Variants in LRIG3 observed in about 807,000 individuals in gnomAD.
LRIG3 encodes leucine rich repeats and immunoglobulin like domains 3.
LRIG3 carries 76 observed loss-of-function variants against 114.5 expected under a neutral mutation model. That is an observed-to-expected ratio of 0.66 (90% CI 0.55 to 0.80). The LOEUF is 0.80. LRIG3 is among the 30% of genes least tolerant of loss of function. LRIG3 has a pLI of 0.00. For synonymous variants in LRIG3, 512 were observed against 519.8 expected (o/e 0.98, Z 0.20); for missense variants, 1,239 against 1,382.8 (o/e 0.90, Z 1.65).
intron 9 of LRIG3, 50 bp downstream of exon 9, chr12:58,886,760 A>C: frequency 6.5e-7 from 1 of 1,546,168 alleles, no homozygotes. Flanking sequence ...AGTGAAGACA[A>C]AATTTTTAAA....
At chr12:58,883,627 C>G (rs1440499331) in intron 10 of LRIG3, 36 bp from the exon 11 acceptor site, 3 of 1,471,774 alleles carry the variant, frequency 2.0e-6, no homozygotes, top group South Asian at 2.8e-5. Context: ...TCAGAGCAAA[C>G]TACCATCATT....
chr12:58,908,458 TGA>T (rs149355876), intron 3 of LRIG3, among the ~76,000 whole-genome samples: 1,850 of 152,310 alleles, frequency 0.012, 32 homozygotes, highest in East Asian at 0.088. Context: ...CTCAGTGGGC[TGA>T]GATATTCATG....
chr12:58,892,082 CATCA>C (rs1180038508), intron 3 of LRIG3, among the ~76,000 whole-genome samples: 3 of 151,298 alleles, frequency 2.0e-5, no homozygotes, highest in Non-Finnish European at 2.9e-5. Flanking sequence ...CTTCAAAAGT[CATCA>C]ATCAATATAG....
In LRIG3 at chr12:58,887,860, CA is replaced by C; in HGVS notation, c.1019del (p.Leu340ArgfsTer22). The C allele has an allele frequency of 1.9e-6, 3 of 1,613,876 alleles. No homozygotes were observed. The highest frequency in any genetic ancestry group is 2.5e-6 in the Non-Finnish European group (3 of 1,179,846). Reference protein sequence around the residue: ...SFLGLSLLNTLHIGNNRVSYI... With the variant: ...SFLGLSLLNTXHIGNNRVSYI... ...AGCTGACTCTGTTGTTCCCAATGTG[CA>C]GTGTATTTAGTAAGCTTAGGCCAAG... is the stretch of plus-strand genomic sequence containing the variant. On this transcript the variant is annotated frameshift_variant, in exon 8 of 19. Transcript: ENST00000320743. LOFTEE classifies it high-confidence loss of function.
intron 4 of LRIG3, among the ~76,000 whole-genome samples, chr12:58,890,461 TA>T (rs992599550): frequency 6.6e-6 from 1 of 152,194 alleles, no homozygotes; most frequent in African/African-American, 2.4e-5. Context: ...GGTTTTCTAA[TA>T]AAAAATATGT....
intron 3 of LRIG3, among the ~76,000 whole-genome samples, chr12:58,896,135 A>G (rs190239026): frequency 1.3e-5 from 2 of 152,340 alleles, no homozygotes; most frequent in African/African-American, 4.8e-5. Context: ...AAGAAAATGG[A>G]TAAGTGCATT....
chr12:58,876,229 T>C (rs556601142), intron 16 of LRIG3, among the ~76,000 whole-genome samples: 2 of 152,334 alleles, frequency 1.3e-5, no homozygotes, highest in African/African-American at 2.4e-5. Flanking sequence ...TTTCTAAACC[T>C]ACTAGTCTTT....
intron 3 of LRIG3, 76 bp downstream of exon 3, chr12:58,913,906 C>G: frequency 8.0e-7 from 1 of 1,256,158 alleles, no homozygotes; most frequent in Non-Finnish European, 1.1e-6. Context: ...TCTAAGATCT[C>G]TATGCTAGTC....
chr12:58,915,621 T>C (rs749553264), intron 1 of LRIG3, among the ~76,000 whole-genome samples: 3 of 152,080 alleles, frequency 2.0e-5, no homozygotes, highest in Non-Finnish European at 4.4e-5. Context: ...GTGACAGACA[T>C]GAGTAGATTT....
chr12:58,876,723 C>T, intron 15 of LRIG3, 120 bp from the exon 16 acceptor site: 1 of 1,002,870 alleles, frequency 1.0e-6, no homozygotes, highest in African/African-American at 1.6e-5. Flanking sequence ...GGGAGATCTA[C>T]TCTGGCAAAA....
rs1466258344 is a variant in LRIG3 at position 58,886,966 on chromosome 12, T to C, written c.1092-76A>G. ...GTATCACCACCCAGGTGGCATATCA[T>C]TTGTAAAAAATTTCTCATAATTCCC... On this transcript the variant is annotated intron_variant, in intron 8 of 18. Coordinates refer to ENST00000320743, the MANE Select transcript of LRIG3 (RefSeq NM_153377.5). The C allele has an allele frequency of 3.6e-6, 4 of 1,119,294 alleles. No homozygotes were observed. The Middle Eastern group carries it at 6.1e-4, about 170-fold the overall frequency. The allele number at this position is 1,119,294 out of a possible 1,614,324, so 69.3% of individuals were successfully genotyped here. A position where few individuals can be genotyped will look rare whatever the true frequency, so the allele number is the denominator to read the frequency against.
chr12:58,902,538 GTTTATA>G (rs1565621345), intron 3 of LRIG3, among the ~76,000 whole-genome samples: 1 of 151,990 alleles, frequency 6.6e-6, no homozygotes, highest in African/African-American at 2.4e-5. Flanking sequence ...GAAAGCAGGT[GTTTATA>G]TTTATAATTG....
intron 3 of LRIG3, among the ~76,000 whole-genome samples, chr12:58,911,394 A>G (rs1312434145): frequency 6.6e-6 from 1 of 152,194 alleles, no homozygotes; most frequent in Non-Finnish European, 1.5e-5. Flanking sequence ...CAGAGTAGAA[A>G]GAGTATGGAG....
At position 58,890,089 on chromosome 12, in the gene LRIG3, T is replaced by C. The variant is rs774050948; in HGVS notation, c.566A>G (p.Asn189Ser). 12 of 1,613,894 alleles carry C rather than the reference T, an allele frequency of 7.4e-6. No homozygotes were observed. Among genetic ancestry groups the C allele is most frequent in the African/African-American group, 4.0e-5 (3 of 75,004 alleles). The change falls in exon 5 of 19, where the codon AAT (asparagine) becomes AGT (serine). Residue 189 changes from asparagine to serine, a missense_variant. Transcript: ENST00000320743. ...TAACACAAGGAGTGTGTTGGCCAAA[T>C]TGTCAAAATACCCAGGTTCCATTGA... ...VTSMEPGYFD[N>S]LANTLLVLKL...
intron 3 of LRIG3, among the ~76,000 whole-genome samples, chr12:58,906,877 T>TGA (rs1469712169): frequency 6.6e-6 from 1 of 151,878 alleles, no homozygotes; most frequent in Non-Finnish European, 1.5e-5. Context: ...GAAAATGAAA[T>TGA]GACCTTTAGT....
rs762598849 is a variant in LRIG3, at chr12:58,888,874, C to T, written c.748G>A (p.Gly250Arg). The change falls in exon 6 of 19, where the codon GGA becomes AGA. Residue 250 changes from glycine (G) to arginine (R), a missense_variant. Transcript: ENST00000320743. ...ALKSLKMQRN[G>R]VTKLMDGAFW... ...GCTCCATCCATAAGTTTCGTTACTC[C>T]ATTTCTTTGCATTTTCAGAGACTTC... 3 of 1,613,856 alleles carry T rather than the reference C, an allele frequency of 1.9e-6. No individual in the cohort carries two copies. The South Asian group carries it at 3.3e-5, about 18-fold the overall frequency.
chr12:58,920,255 T>TA lies in LRIG3; in HGVS notation c.-21_-20insT. The stretch of plus-strand genomic sequence containing the variant: ...GCTCATCGCGGTCCAGCGGCCTAGG[T>TA]CTCTACCCGAAGCTCCCAGCCGGCG... On this transcript the variant is annotated 5_prime_UTR_variant, in exon 1 of 19. Coordinates refer to ENST00000320743, the MANE Select transcript of LRIG3 (RefSeq NM_153377.5). 2.3e-6 allele frequency: 3 copies of TA among 1,331,058 alleles called. No homozygotes were observed. The highest frequency in any genetic ancestry group is 2.9e-6 in the Non-Finnish European group (3 of 1,047,044). The allele number at this position is 1,331,058 out of a possible 1,614,324, so 82.5% of individuals were successfully genotyped here.
intron 5 of LRIG3, among the ~76,000 whole-genome samples, chr12:58,889,298 G>A (rs561069620): frequency 6.6e-6 from 1 of 152,266 alleles, no homozygotes; most frequent in African/African-American, 2.4e-5. Flanking sequence ...ACTAAAACAT[G>A]AGGTCTATCA....
intron 18 of LRIG3, 31 bp downstream of exon 18, chr12:58,874,024 G>A: frequency 1.2e-6 from 2 of 1,611,704 alleles, no homozygotes; most frequent in Non-Finnish European, 1.7e-6. Flanking sequence ...TGGATCCTCA[G>A]ACGAGGTACC....
Sources: allele counts gnomAD v4.1 joint callset (sites outside exome capture counted in the v4.1 genomes callset), GRCh38; gene constraint gnomAD v4.1.1; transcripts MANE v1.5; gene names NCBI Gene and HGNC (gene_info 2026-07-23, HGNC 2026-07-21).